Variants in TASOR2 observed in about 807,000 individuals in gnomAD.
TASOR2 encodes the protein transcription activation suppressor family member 2.
Under a neutral mutation model 199.5 loss-of-function variants are expected in TASOR2, and 84 were observed. That is an observed-to-expected ratio of 0.42 (90% CI 0.35 to 0.50). The LOEUF (loss-of-function observed/expected upper bound fraction) is 0.50. TASOR2 is among the 20% of genes least tolerant of loss of function. The pLI is 0.02. For missense variants in TASOR2, 2,796 were observed against 2,835.9 expected (o/e 0.99, Z 0.32); for synonymous variants, 1,103 against 1,046.6 (o/e 1.05, Z -1.04).
intron 12 of TASOR2, among the ~76,000 whole-genome samples, chr10:5,739,063 A>G (rs369752991): frequency 1.3e-5 from 2 of 152,260 alleles, no homozygotes; most frequent in Admixed American, 6.5e-5. Flanking sequence ...CTATCACATC[A>G]TGTAATTAAA....
At chr10:5,761,499 TAATGCCAA>T in intron 19 of TASOR2, 28 bp downstream of exon 20, 10 of 1,599,314 alleles carry the variant, frequency 6.3e-6, no homozygotes, top group Non-Finnish European at 7.7e-6. Flanking sequence ...TTTACTCAGT[TAATGCCAA>T]AATTGGTCAG....
chr10:5,708,402 A>G (rs894008523), intron 1 of TASOR2, among the ~76,000 whole-genome samples: 2 of 152,138 alleles, frequency 1.3e-5, no homozygotes, highest in South Asian at 2.1e-4. Flanking sequence ...CTCCATCTCC[A>G]TAAAATTGGT....
chr10:5,749,765 A>G, exon 15 of TASOR2: 1 of 1,614,232 alleles, frequency 6.2e-7, no homozygotes, highest in Non-Finnish European at 8.5e-7. Context: ...CTCAATGAGT[A>G]TGCTGAATTC....
In TASOR2 at chr10:5,685,391, G is replaced by A. The variant is rs1450922303; in HGVS notation, c.-288+216G>A. On this transcript the variant is annotated intron_variant, in intron 1 of 20. Transcript: ENST00000328090. The surrounding 1 kb of genome is among the most constrained non-coding windows in gnomAD (Gnocchi z 5.4). ...GCTACAACCTGTGGCCGCGCTCGGT[G>A]TCGCCGGCAGGGAGATCCTAACCGT... Among the ~76,000 whole-genome samples the A allele has an allele frequency of 6.6e-6, 1 of 152,166 alleles. No homozygotes were observed. Among genetic ancestry groups the A allele is most frequent in the African/African-American group, 2.4e-5 (1 of 41,440 alleles).
intron 7 of TASOR2, 58 bp from the exon 9 acceptor site, chr10:5,724,372 C>T: frequency 1.3e-6 from 1 of 775,940 alleles, no homozygotes; most frequent in Non-Finnish European, 2.0e-6. Context: ...AACAAATTGA[C>T]TGTAAGTACA....
At position 5,742,072 on chromosome 10, in the gene TASOR2, A is replaced by G; in HGVS notation, c.2328-25A>G. Reference sequence around the variant, plus strand: ...AAAATAACCATTTTCAATGATTTTCATGTGTTCTTTCTGTAAACTCTTAGG... The same window carrying G: ...AAAATAACCATTTTCAATGATTTTCGTGTGTTCTTTCTGTAAACTCTTAGG... On this transcript the variant is annotated intron_variant, in intron 13 of 20. Transcript: ENST00000328090. The surrounding 1 kb of genome is among the most constrained non-coding windows in gnomAD (Gnocchi z 4.2). 1.3e-6 allele frequency: 2 copies of G among 1,596,134 alleles called. No homozygotes were observed. The highest frequency in any genetic ancestry group is 2.2e-5 in the East Asian group (1 of 44,810).
At chr10:5,725,764 G>T (rs1465315928) in intron 8 of TASOR2, among the ~76,000 whole-genome samples, 1 of 152,188 alleles carries the variant, frequency 6.6e-6, no homozygotes, top group Non-Finnish European at 1.5e-5. Context: ...CTGGGTAACA[G>T]AGTGATACCC....
rs748845834 is a variant in TASOR2, at chr10:5,748,172, A to G, written c.4751A>G (p.Asn1584Ser). The G allele has an allele frequency of 1.1e-5, 18 of 1,614,120 alleles. No homozygotes were observed. Among genetic ancestry groups the G allele is most frequent in the Non-Finnish European group, 1.4e-5 (16 of 1,180,046 alleles). Residue 1584 changes from asparagine (N) to serine (S), a missense_variant, in exon 15 of 21, where the codon AAT (asparagine) becomes AGT (serine). By Grantham distance (46) the Asn-to-Ser change is conservative. This residue lies in a region of TASOR2 where 1,941 missense variants were observed against 1,924.9 expected (regional missense o/e 1.01). Transcript: ENST00000328090. The surrounding 1 kb of genome is among the most constrained non-coding windows in gnomAD (Gnocchi z 5.1). ...TTTGGTCCTAGAAATGTTATTGAAA[A>G]TAAGTCTTTGTCTGACACATTGGTT...
rs898467475 is a variant in TASOR2 at position 5,719,227 on chromosome 10, A to G, written c.-99-1317A>G. Among the ~76,000 whole-genome samples, 1 of 152,266 alleles carries G rather than the reference A, an allele frequency of 6.6e-6. No individual in the cohort carries two copies. The highest frequency in any genetic ancestry group is 1.5e-5 in the Non-Finnish European group (1 of 68,046). On this transcript the variant is annotated intron_variant, in intron 3 of 20. Transcript: ENST00000328090. This position sits in a 1 kb window ranked among gnomAD's most constrained non-coding sequence, Gnocchi z 4.1. ...CTATAGTCCCATATCCCATTTTGAT[A>G]TAAGTTAATAACATCTTGTGAACAT...
At chr10:5,712,620 A>C in intron 1 of TASOR2, 1 of 1,133,036 alleles carries the variant, frequency 8.8e-7, no homozygotes, top group Non-Finnish European at 1.1e-6. Context: ...ATATAAGCCT[A>C]GCACTTTTTA....
At position 5,758,975 on chromosome 10, in the gene TASOR2, G is replaced by A. The variant is rs768872563; in HGVS notation, c.6975G>A (p.Lys2325=). The change falls in exon 18 of 21, where the codon AAG becomes AAA. Residue 2325 remains lysine, a synonymous_variant. Coordinates refer to ENST00000328090, the Ensembl canonical transcript of TASOR2. Reference sequence around the variant, plus strand: ...TGCTTCACTACAGGGAAAATAAAAAGCTAAAAGAAGATGAAAGGTAAGGAC... The same window carrying A: ...TGCTTCACTACAGGGAAAATAAAAAACTAAAAGAAGATGAAAGGTAAGGAC... The A allele has an allele frequency of 5.0e-6, 8 of 1,613,504 alleles. No homozygotes were observed. In the South Asian group the frequency reaches 7.7e-5, roughly 16 times the overall value.
In TASOR2 at chr10:5,720,170, C is replaced by T. The variant is rs976752345; in HGVS notation, c.-99-374C>T. The T allele has an allele frequency of 4.5e-6, 3 of 661,230 alleles. No homozygotes were observed. The highest frequency in any genetic ancestry group is 6.8e-5 in the South Asian group (1 of 14,622). 41.0% of individuals were successfully genotyped at this position (661,230 alleles called of 1,614,324 possible). ...GTTACTGTTAGGGGACACATATCTG[C>T]ATCCTTGTTAGACTACTTCTAAATG... On this transcript the variant is annotated intron_variant, in intron 3 of 20. Coordinates refer to ENST00000328090, the Ensembl canonical transcript of TASOR2. This position sits in a 1 kb window ranked among gnomAD's most constrained non-coding sequence, Gnocchi z 5.3.
chr10:5,713,392 C>A (rs1298824132), intron 2 of TASOR2, among the ~76,000 whole-genome samples: 1 of 151,844 alleles, frequency 6.6e-6, no homozygotes, highest in Non-Finnish European at 1.5e-5. Context: ...TTGCCTGTAC[C>A]TAAATTATGG....
At position 5,720,555 on chromosome 10, in the gene TASOR2, C is replaced by T. The variant is rs1207610314; in HGVS notation, c.-88C>T. ...TTTTCCTCTTTCAGTATTACTTTTA[C>T]GAACTTTCAGGCAACACCGTTATTG... On this transcript the variant is annotated 5_prime_UTR_variant, in exon 4 of 21. In the 5' UTR this introduces an upstream ATG that the reference lacks. Coordinates refer to ENST00000328090, the Ensembl canonical transcript of TASOR2. This position sits in a 1 kb window ranked among gnomAD's most constrained non-coding sequence, Gnocchi z 5.3. 6.9e-6 allele frequency: 11 copies of T among 1,600,966 alleles called. No individual in the cohort carries two copies. The highest frequency in any genetic ancestry group is 1.1e-5 in the South Asian group (1 of 89,474).
Position 5,748,400 on chromosome 10 carries a change from C to T in TASOR2, c.4979C>T (p.Ser1660Phe). ...TGCTCAGTGGTCCCCACGCTTTGTTCTTCCTCAGACAATGCTACATTAACC... is the reference window on the plus strand; with the variant it reads ...TGCTCAGTGGTCCCCACGCTTTGTTTTTCCTCAGACAATGCTACATTAACC... Residue 1660 changes from serine (S) to phenylalanine (F), a missense_variant, in exon 15 of 21, where the codon TCT becomes TTT. Ser to Phe is a radical substitution (Grantham distance 155). Around this residue, in one of 3 missense-constraint regions of TASOR2, gnomAD observed 1,941 missense variants for 1,924.9 expected, o/e 1.01. Transcript: ENST00000328090. This position sits in a 1 kb window ranked among gnomAD's most constrained non-coding sequence, Gnocchi z 5.1. The T allele has an allele frequency of 6.2e-7, 1 of 1,614,230 alleles. No homozygotes were observed.
In TASOR2 at chr10:5,763,398, G is replaced by A. The variant is rs373312949; in HGVS notation, c.*366G>A. 424 of 165,442 alleles carry A rather than the reference G, an allele frequency of 2.6e-3. 12 individuals are homozygous for A. In the South Asian group the frequency reaches 0.067, roughly 26 times the overall value. The allele number at this position is 165,442 out of a possible 1,614,324, so 10.2% of individuals were successfully genotyped here. On this transcript the variant is annotated 3_prime_UTR_variant, in exon 21 of 21. Transcript: ENST00000328090. ...GCATGCTAATGTCAGAAAGGCATAC[G>A]ATGCACATTATGCTCTGTTTTAAAG...
rs975346277 is a variant in TASOR2 at position 5,752,806 on chromosome 10, G to A, written c.6606+2779G>A. 3.9e-5 allele frequency among the ~76,000 whole-genome samples: 6 copies of A among 152,220 alleles called. No homozygotes were observed. Among genetic ancestry groups the A allele is most frequent in the Non-Finnish European group, 8.8e-5 (6 of 68,048 alleles). Reference sequence around the variant, plus strand: ...CTTGTGCCAGAGGGCTGGTCAGAGTGAGTGAGCCATGTCAGCCAGAGGCTC... The same window carrying A: ...CTTGTGCCAGAGGGCTGGTCAGAGTAAGTGAGCCATGTCAGCCAGAGGCTC... On this transcript the variant is annotated intron_variant, in intron 15 of 20. Coordinates refer to ENST00000328090, the Ensembl canonical transcript of TASOR2. The surrounding 1 kb of genome is among the most constrained non-coding windows in gnomAD (Gnocchi z 4.4).
At chr10:5,688,737 G>A (rs2386624) in intron 1 of TASOR2, among the ~76,000 whole-genome samples, 43,714 of 151,768 alleles carry the variant, frequency 0.29, 6,465 homozygotes, top group South Asian at 0.35. Flanking sequence ...TTGGGTGCGT[G>A]GGCTCATGCG....
rs1838239488 is a variant in TASOR2 at position 5,752,639 on chromosome 10, G to C, written c.6606+2612G>C. On this transcript the variant is annotated intron_variant, in intron 15 of 20. Transcript: ENST00000328090. The surrounding 1 kb of genome is among the most constrained non-coding windows in gnomAD (Gnocchi z 4.4). ...GTCCCTTATTGTCACAGTGTCCCCT[G>C]GGTGCAGGGTCACAAGACCACTTCT... Among the ~76,000 whole-genome samples the C allele has an allele frequency of 6.6e-6, 1 of 152,240 alleles. No individual in the cohort carries two copies. The highest frequency in any genetic ancestry group is 1.5e-5 in the Non-Finnish European group (1 of 68,034).
Sources: allele counts gnomAD v4.1 joint callset (sites outside exome capture counted in the v4.1 genomes callset), GRCh38; gene constraint gnomAD v4.1.1; regional missense constraint gnomAD v4.1.1; non-coding constraint Gnocchi (gnomAD v3.1); transcripts MANE v1.5; gene names NCBI Gene and HGNC (gene_info 2026-07-23, HGNC 2026-07-21).